Variants in AMBRA1 observed in about 807,000 individuals in gnomAD.
The protein encoded by AMBRA1 is activating molecule in BECN1-regulated autophagy protein 1.
In AMBRA1, 47 loss-of-function variants were observed where a neutral mutation model predicts 125.4. The ratio of observed to expected loss-of-function variants is 0.37; its 90% CI spans 0.30 to 0.48. The LOEUF (loss-of-function observed/expected upper bound fraction) is 0.48, where lower values mean the gene tolerates loss of function less well. Ranked by LOEUF, AMBRA1 falls within the 20% of genes least tolerant of loss-of-function variation. AMBRA1 has a pLI of 0.99. For missense variants in AMBRA1, 1,331 were observed against 1,693.4 expected (o/e 0.79, Z 3.76); for synonymous variants, 626 against 655.5 (o/e 0.95, Z 0.69).
chr11:46,424,664 T>A (rs1472067113), intron 14 of AMBRA1, among the ~76,000 whole-genome samples: 1 of 151,836 alleles, frequency 6.6e-6, no homozygotes, highest in African/African-American at 2.4e-5. Flanking sequence ...CTAGCTGACA[T>A]AGCAGGATCT....
chr11:46,567,574 C>G (rs112327359), intron 1 of AMBRA1, among the ~76,000 whole-genome samples: 1 of 148,362 alleles, frequency 6.7e-6, no homozygotes, highest in Non-Finnish European at 1.5e-5. Context: ...TTGGCCAAGC[C>G]GGTCTCGAAC....
intron 7 of AMBRA1, among the ~76,000 whole-genome samples, chr11:46,513,710 T>C (rs1056875812): frequency 6.6e-6 from 1 of 152,174 alleles, no homozygotes; most frequent in African/African-American, 2.4e-5. Context: ...AGAGCATATG[T>C]ATTCAATGGA....
chr11:46,485,020 C>T (rs1473637884), intron 11 of AMBRA1, among the ~76,000 whole-genome samples: 1 of 151,678 alleles, frequency 6.6e-6, no homozygotes, highest in African/African-American at 2.4e-5. Context: ...TCACTGCAAC[C>T]TTTGCCTCCC....
At chr11:46,452,440 TC>T (rs1353824462) in intron 11 of AMBRA1, among the ~76,000 whole-genome samples, 1 of 152,128 alleles carries the variant, frequency 6.6e-6, no homozygotes, top group Non-Finnish European at 1.5e-5. Context: ...GCCTCAGACT[TC>T]CCAGTAACTA....
chr11:46,517,755 C>T (rs1366760440), intron 7 of AMBRA1, among the ~76,000 whole-genome samples: 92 of 147,886 alleles, frequency 6.2e-4, no homozygotes, highest in African/African-American at 1.7e-3. Flanking sequence ...CGCTTGAACC[C>T]GGGAGGCAGA....
At chr11:46,564,469 T>C (rs1213340121) in intron 1 of AMBRA1, among the ~76,000 whole-genome samples, 2 of 152,102 alleles carry the variant, frequency 1.3e-5, no homozygotes, top group Non-Finnish European at 2.9e-5. Flanking sequence ...CTAAATGATT[T>C]ACCTAAGTGA....
intron 7 of AMBRA1, among the ~76,000 whole-genome samples, chr11:46,530,114 T>C (rs1019150392): frequency 6.6e-6 from 1 of 152,056 alleles, no homozygotes; most frequent in East Asian, 1.9e-4. Flanking sequence ...TCTGAATAGA[T>C]ACAGTAGAGA....
At chr11:46,582,985 T>C (rs1045428856) in intron 1 of AMBRA1, among the ~76,000 whole-genome samples, 1 of 150,520 alleles carries the variant, frequency 6.6e-6, no homozygotes, top group Non-Finnish European at 1.5e-5. Context: ...GTATCCTCAC[T>C]GCCTACTGAA....
intron 17 of AMBRA1, among the ~76,000 whole-genome samples, chr11:46,399,737 C>T (rs1945634601): frequency 6.6e-6 from 1 of 152,172 alleles, no homozygotes; most frequent in African/African-American, 2.4e-5. Flanking sequence ...CCCCAGTCTT[C>T]ACAAGCTATT....
At chr11:46,563,374 A>G (rs762942353) in intron 1 of AMBRA1, among the ~76,000 whole-genome samples, 1 of 152,126 alleles carries the variant, frequency 6.6e-6, no homozygotes, top group Non-Finnish European at 1.5e-5. Context: ...ACAGGTGTAT[A>G]TAACTACGCC....
rs762310192 is a variant in AMBRA1, at chr11:46,434,860, G to A, written c.2810C>T (p.Thr937Ile). 2 of 1,609,442 alleles carry A rather than the reference G, an allele frequency of 1.2e-6. No homozygotes were observed. Among genetic ancestry groups the A allele is most frequent in the South Asian group, 1.1e-5 (1 of 90,350 alleles). The change falls in exon 13 of 18, where the codon ACC (threonine) becomes ATC (isoleucine). Residue 937 changes from threonine to isoleucine, a missense_variant. This residue lies in a region of AMBRA1 where 354 missense variants were observed against 532.7 expected (regional missense o/e 0.66). Coordinates refer to ENST00000683756, the MANE Select transcript of AMBRA1 (RefSeq NM_001387011.1). ...APHNLGEMLY[T>I]KRFGPNAISV... ...TTCCTATCCCTTACCAAATCGCTTG[G>A]TGTAGAGCATTTCGCCCAGGTTATG...
intron 11 of AMBRA1, among the ~76,000 whole-genome samples, chr11:46,480,385 C>T (rs1170433462): frequency 6.6e-6 from 1 of 152,060 alleles, no homozygotes; most frequent in African/African-American, 2.4e-5. Flanking sequence ...ACCAGGCAAA[C>T]TGCAATTGGA....
chr11:46,493,829 A>C, intron 10 of AMBRA1, 121 bp from the exon 11 acceptor site: 1 of 751,226 alleles, frequency 1.3e-6, no homozygotes, highest in Non-Finnish European at 2.1e-6. Context: ...CCAGAAAGAA[A>C]TAAAATCTCC....
intron 11 of AMBRA1, among the ~76,000 whole-genome samples, chr11:46,483,542 G>T (rs935998526): frequency 1.3e-5 from 2 of 152,198 alleles, no homozygotes; most frequent in African/African-American, 4.8e-5. Context: ...TGGAATAAAC[G>T]AGGCTGCTTG....
intron 12 of AMBRA1, among the ~76,000 whole-genome samples, chr11:46,440,040 T>C (rs1947926269): frequency 6.6e-6 from 1 of 152,114 alleles, no homozygotes; most frequent in Non-Finnish European, 1.5e-5. Flanking sequence ...GCACGAGCTG[T>C]ATAGAGTGTG....
chr11:46,546,635 A>AC (rs1953032706), intron 4 of AMBRA1, among the ~76,000 whole-genome samples: 1 of 152,150 alleles, frequency 6.6e-6, no homozygotes, highest in South Asian at 2.1e-4. Context: ...AAAAAAAAAA[A>AC]AAGGAATGGA....
At chr11:46,578,359 C>A (rs1479525643) in intron 1 of AMBRA1, among the ~76,000 whole-genome samples, 5 of 150,726 alleles carry the variant, frequency 3.3e-5, no homozygotes, top group Non-Finnish European at 7.4e-5. Flanking sequence ...TGGTCATGTG[C>A]GCTTGTAATC....
Position 46,408,726 on chromosome 11 carries a change from C to T in AMBRA1, c.3210-20G>A, listed in dbSNP as rs760922916. 1.3e-6 allele frequency: 2 copies of T among 1,505,784 alleles called. No homozygotes were observed. The highest frequency in any genetic ancestry group is 2.6e-5 in the South Asian group (2 of 75,556). 93.3% of individuals were successfully genotyped at this position (1,505,784 alleles called of 1,614,324 possible). On this transcript the variant is annotated intron_variant, in intron 16 of 17. Transcript: ENST00000683756. Reference sequence around the variant, plus strand: ...CTGGTTCTAGGGAGAGAAAGGCAGACTAAAGTCAGATGGGGCTTGGGACAG... The same window carrying T: ...CTGGTTCTAGGGAGAGAAAGGCAGATTAAAGTCAGATGGGGCTTGGGACAG...
At chr11:46,454,322 C>T (rs767624224) in intron 11 of AMBRA1, among the ~76,000 whole-genome samples, 3 of 151,560 alleles carry the variant, frequency 2.0e-5, no homozygotes, top group Non-Finnish European at 2.9e-5. Flanking sequence ...AGCCATCATG[C>T]CTGGCAAACT....
Sources: gnomAD v4.1 joint callset for allele counts (sites outside exome capture counted in the v4.1 genomes callset) on GRCh38, gnomAD v4.1.1 for gene constraint, gnomAD v4.1.1 regional missense constraint, MANE v1.5 for transcripts, NCBI Gene and HGNC (gene_info 2026-07-23, HGNC 2026-07-21) for gene names.